CAMTA1: variants seen among roughly 807,000 people sequenced by gnomAD.
The protein encoded by CAMTA1 is calmodulin binding transcription activator 1.
Under a neutral mutation model 170.9 loss-of-function variants are expected in CAMTA1, and 27 were observed. The observed-to-expected ratio is 0.16, with a 90% CI of 0.12 to 0.22. The LOEUF (loss-of-function observed/expected upper bound fraction) is 0.22. Ranked by LOEUF, CAMTA1 falls within the 10% of genes least tolerant of loss-of-function variation. CAMTA1 has a pLI of 1.00. For missense variants in CAMTA1, 1,619 were observed against 2,217.2 expected, an observed-to-expected ratio of 0.73 and a Z score of 5.42; for synonymous variants, 833 against 891.5, an observed-to-expected ratio of 0.93 and a Z score of 1.17.
rs1169742812 is a variant in CAMTA1, at chr1:7,642,336, G to A, written c.664+1783G>A. On this transcript the variant is annotated intron_variant, in intron 7 of 22. Coordinates refer to ENST00000303635, the MANE Select transcript of CAMTA1 (RefSeq NM_015215.4). The surrounding 1 kb of genome is among the most constrained non-coding windows in gnomAD (Gnocchi z 6.3). ...CTGGAAATAGCCCTGGAATGGTGGG[G>A]GGGAAGGGACCTGCCCAGGGTCCTG... Among the ~76,000 whole-genome samples, 2 of 152,200 alleles carry A rather than the reference G, an allele frequency of 1.3e-5. No individual in the cohort carries two copies. The highest frequency in any genetic ancestry group is 2.9e-5 in the Non-Finnish European group (2 of 68,028).
chr1:7,604,059 C>G (rs546913357), intron 6 of CAMTA1, among the ~76,000 whole-genome samples: 387 of 152,308 alleles, frequency 2.5e-3, no homozygotes, highest in African/African-American at 9.0e-3. Flanking sequence ...TCCACTGTTA[C>G]TCTGATGGGC....
chr1:7,417,753 G>A (rs2859318), intron 5 of CAMTA1, among the ~76,000 whole-genome samples: 46,771 of 151,986 alleles, frequency 0.31, 7,524 homozygotes, highest in Non-Finnish European at 0.34. Context: ...GCTGTGCTTC[G>A]GCTCACACAC....
At chr1:6,967,361 G>A (rs1200807201) in intron 3 of CAMTA1, among the ~76,000 whole-genome samples, 1 of 152,078 alleles carries the variant, frequency 6.6e-6, no homozygotes, top group Non-Finnish European at 1.5e-5. Flanking sequence ...GAGATGGGGT[G>A]GGGTGGGGGG....
At chr1:7,431,153 G>A (rs899578176) in intron 5 of CAMTA1, among the ~76,000 whole-genome samples, 7 of 152,294 alleles carry the variant, frequency 4.6e-5, no homozygotes, top group South Asian at 2.1e-4. Flanking sequence ...GCTTTCTGCC[G>A]ACTCAGAGAT....
chr1:7,109,811 T>G (rs1643903706), intron 4 of CAMTA1, among the ~76,000 whole-genome samples: 1 of 152,196 alleles, frequency 6.6e-6, no homozygotes, highest in Non-Finnish European at 1.5e-5. Flanking sequence ...ACCTCAGCAC[T>G]TTCCTTCCCA....
chr1:7,335,155 GGGTGGGGGT>G (rs2083298127), intron 5 of CAMTA1, among the ~76,000 whole-genome samples: 3 of 55,370 alleles, frequency 5.4e-5, no homozygotes, highest in Non-Finnish European at 1.2e-4. Context: ...GGGGGGGGGG[GGGTGGGGGT>G]GGGGGGTGTC....
intron 3 of CAMTA1, among the ~76,000 whole-genome samples, chr1:6,939,636 T>C (rs1686073054): frequency 6.6e-6 from 1 of 152,068 alleles, no homozygotes; most frequent in Admixed American, 6.6e-5. Context: ...GAGTTCTTCC[T>C]CTCCACCTTC....
At chr1:7,749,230 T>C (rs2096878246) in intron 19 of CAMTA1, among the ~76,000 whole-genome samples, 1 of 152,228 alleles carries the variant, frequency 6.6e-6, no homozygotes, top group Non-Finnish European at 1.5e-5. Flanking sequence ...TCTATCACCT[T>C]GTCATAATCC....
Position 7,631,770 on chromosome 1 carries a change from C to T in CAMTA1, c.511-8630C>T, listed in dbSNP as rs2095670915. ...TTGTGCTTCCGTCCATCCTCCAGGC[C>T]TCTCTGATCCTCCCCCTGCCTCCTG... On this transcript the variant is annotated intron_variant, in intron 6 of 22. Transcript: ENST00000303635. Among the ~76,000 whole-genome samples, 3 of 152,196 alleles carry T rather than the reference C, an allele frequency of 2.0e-5. No individual in the cohort carries two copies. The South Asian group carries it at 6.2e-4, about 32-fold the overall frequency.
intron 6 of CAMTA1, among the ~76,000 whole-genome samples, chr1:7,553,247 GGGAA>G (rs2094831769): frequency 1.4e-5 from 1 of 71,846 alleles, no homozygotes; most frequent in African/African-American, 3.8e-5. Context: ...GAATGAATGA[GGGAA>G]TGAATGAATG....
intron 3 of CAMTA1, among the ~76,000 whole-genome samples, chr1:6,908,917 TG>T (rs1233863163): frequency 7.8e-4 from 119 of 152,302 alleles, no homozygotes; most frequent in African/African-American, 2.7e-3. Flanking sequence ...GAATCACACA[TG>T]AGTATTGAGA....
At chr1:7,392,911 T>C (rs1462454858) in intron 5 of CAMTA1, among the ~76,000 whole-genome samples, 2 of 151,266 alleles carry the variant, frequency 1.3e-5, no homozygotes, top group Non-Finnish European at 2.9e-5. Context: ...AAGCTGAGTG[T>C]GGTGGTTAGT....
At chr1:7,492,114 C>T (rs1416123203) in intron 6 of CAMTA1, among the ~76,000 whole-genome samples, 5 of 152,158 alleles carry the variant, frequency 3.3e-5, no homozygotes, top group Non-Finnish European at 5.9e-5. Context: ...GGTGCCCTCC[C>T]GTCCAAGAGC....
intron 11 of CAMTA1, among the ~76,000 whole-genome samples, chr1:7,714,902 A>G (rs2096597554): frequency 6.6e-6 from 1 of 152,164 alleles, no homozygotes; most frequent in South Asian, 2.1e-4. Flanking sequence ...TATCCAAAGC[A>G]ACTGACGTAG....
chr1:7,408,050 C>T (rs1216685710), intron 5 of CAMTA1, among the ~76,000 whole-genome samples: 5 of 152,196 alleles, frequency 3.3e-5, no homozygotes. Flanking sequence ...AGGCCTGGCA[C>T]CGGCCACGAG....
At chr1:7,450,754 A>C (rs1030895583) in intron 5 of CAMTA1, among the ~76,000 whole-genome samples, 9 of 152,346 alleles carry the variant, frequency 5.9e-5, no homozygotes, top group African/African-American at 2.2e-4. Context: ...GCATGTCATT[A>C]CACACTTTAA....
rs1337434376 is a variant in CAMTA1, at chr1:7,751,359, G to A, written c.4850G>A (p.Arg1617His). 1.4e-5 allele frequency: 22 copies of A among 1,608,174 alleles called. No individual in the cohort carries two copies. The highest frequency in any genetic ancestry group is 1.8e-5 in the Non-Finnish European group (21 of 1,178,160). ...AAATGTGGCAAAAGACGGCAGGCTCGCCGGACGGCTGTGATTGTACAACAG... is the reference window on the plus strand; with the variant it reads ...AAATGTGGCAAAAGACGGCAGGCTCACCGGACGGCTGTGATTGTACAACAG... ...YKKCGKRRQARRTAVIVQQKL... is the reference protein window; with the variant it reads ...YKKCGKRRQAHRTAVIVQQKL... Residue 1617 changes from arginine to histidine, a missense_variant, in exon 20 of 23, where the codon CGC (arginine) becomes CAC (histidine). By Grantham distance (29) the Arg-to-His change is conservative. Transcript: ENST00000303635.
rs2148655448 is a variant in CAMTA1 at position 7,146,896 on chromosome 1, T to C, written c.302+55525T>C. Among the ~76,000 whole-genome samples the C allele has an allele frequency of 6.6e-6, 1 of 151,558 alleles. No individual in the cohort carries two copies. The highest frequency in any genetic ancestry group is 1.5e-5 in the Non-Finnish European group (1 of 67,898). On this transcript the variant is annotated intron_variant, in intron 4 of 22. Transcript: ENST00000303635. The surrounding 1 kb of genome is among the most constrained non-coding windows in gnomAD (Gnocchi z 4.3). ...TACACAGACACTCAAACATATGCCG[T>C]GCATACACATACACATCACACACTC...
chr1:7,728,476 AGAGTG>A (rs1456944662), intron 11 of CAMTA1, among the ~76,000 whole-genome samples: 3 of 152,228 alleles, frequency 2.0e-5, no homozygotes, highest in African/African-American at 7.2e-5. Context: ...GATTGGTTCC[AGAGTG>A]CTCTGGAACA....
Sources: allele counts gnomAD v4.1 joint callset (sites outside exome capture counted in the v4.1 genomes callset), GRCh38; gene constraint gnomAD v4.1.1; non-coding constraint Gnocchi (gnomAD v3.1); transcripts MANE v1.5; gene names NCBI Gene and HGNC (gene_info 2026-07-23, HGNC 2026-07-21).